Variants in USP34 observed in about 807,000 individuals in gnomAD.
The protein encoded by USP34 is ubiquitin carboxyl-terminal hydrolase 34.
USP34 carries 70 observed loss-of-function variants against 460.3 expected under a neutral mutation model. That is an observed-to-expected ratio of 0.15 (90% confidence interval 0.13 to 0.19). USP34 has a LOEUF of 0.19. Ranked by LOEUF, USP34 falls within the 10% of genes least tolerant of loss-of-function variation. The pLI, the probability that USP34 is intolerant of heterozygous loss-of-function variation, is 1.00. For synonymous variants in USP34, 1,647 were observed against 1,405.3 expected (o/e 1.17, Z -3.85); for missense variants, 3,985 against 4,236.2 (o/e 0.94, Z 1.65).
intron 75 of USP34, chr2:61,200,477 G>C (rs939383272): frequency 3.9e-5 from 6 of 152,124 alleles, no homozygotes; most frequent in Non-Finnish European, 8.8e-5. Flanking sequence ...ATTCAAATCT[G>C]TAATTATTAT....
At chr2:61,219,006 C>T (rs183071297) in intron 67 of USP34, among the ~76,000 whole-genome samples, 25 of 152,300 alleles carry the variant, frequency 1.6e-4, no homozygotes, top group Admixed American at 2.6e-4. Flanking sequence ...TAAGCTCCAC[C>T]TCCTGGGGAG....
At chr2:61,258,431 AG>A (rs1334975047) in intron 44 of USP34, among the ~76,000 whole-genome samples, 1 of 152,202 alleles carries the variant, frequency 6.6e-6, no homozygotes, top group Non-Finnish European at 1.5e-5. Flanking sequence ...AACAACAAAG[AG>A]GCATGGTGAC....
At position 61,281,198 on chromosome 2, in the gene USP34, G is replaced by A. The variant is rs117621727; in HGVS notation, c.5043C>T (p.Ser1681=). Residue 1681 remains serine, a synonymous_variant, in exon 38 of 80, where the codon TCC becomes TCT. Transcript: ENST00000398571. ...HESCSGLYKL[S]LSGLDGGDSI... ...AGTCTCCTCCATCCAGCCCTGACAG[G>A]GATAACTTATAGAGACCACTGCATG... 2.2e-4 allele frequency: 359 copies of A among 1,613,940 alleles called. 4 individuals carry two copies. The East Asian group carries it at 6.0e-3, about 27-fold the overall frequency.
At chr2:61,412,138 G>A (rs532628468) in intron 2 of USP34, among the ~76,000 whole-genome samples, 9 of 140,492 alleles carry the variant, frequency 6.4e-5, no homozygotes, top group African/African-American at 1.6e-4. Flanking sequence ...GCAGTGAGCC[G>A]AGATCATGCC....
chr2:61,314,837 T>C (rs776909240), intron 24 of USP34, 38 bp downstream of exon 24: 13 of 1,598,652 alleles, frequency 8.1e-6, no homozygotes, highest in East Asian at 2.2e-5. Flanking sequence ...CACCCTCACA[T>C]AGAAATTACC....
chr2:61,245,152 G>A, intron 51 of USP34, 58 bp downstream of exon 51: 2 of 1,308,902 alleles, frequency 1.5e-6, no homozygotes, highest in African/African-American at 1.5e-5. Context: ...TGGATTTTAT[G>A]ATATGACAAA....
At chr2:61,235,059 A>T (rs1410603881) in intron 57 of USP34, among the ~76,000 whole-genome samples, 1 of 152,202 alleles carries the variant, frequency 6.6e-6, no homozygotes, top group Non-Finnish European at 1.5e-5. Flanking sequence ...TGCACAGTTT[A>T]CTTGAGATTT....
intron 6 of USP34, 118 bp from the exon 7 acceptor site, chr2:61,380,479 A>C: frequency 9.5e-7 from 1 of 1,051,294 alleles, no homozygotes; most frequent in South Asian, 1.8e-5. Context: ...AAACCCACAA[A>C]CCTCTGGTTT....
chr2:61,309,921 T>C (rs1558522921), intron 27 of USP34, among the ~76,000 whole-genome samples: 2 of 152,206 alleles, frequency 1.3e-5, no homozygotes, highest in East Asian at 3.8e-4. Context: ...TCTTCTGCAA[T>C]CCTTTATCTA....
At chr2:61,397,062 T>C (rs1314018988) in intron 3 of USP34, among the ~76,000 whole-genome samples, 1 of 152,218 alleles carries the variant, frequency 6.6e-6, no homozygotes, top group African/African-American at 2.4e-5. Flanking sequence ...TTTGGAAATA[T>C]CTCAACTTTT....
chr2:61,293,557 G>A lies in USP34; in HGVS notation c.4462-7C>T. On this transcript the variant is annotated splice_region_variant and splice_polypyrimidine_tract_variant and intron_variant, in intron 32 of 79. Coordinates refer to ENST00000398571, the MANE Select transcript of USP34 (RefSeq NM_014709.4). The stretch of plus-strand genomic sequence containing the variant: ...GCCCTCCAGCAGCAACAAACTGTAG[G>A]CAATTGTGAAAGTAATAGTAAGAGA... The A allele has an allele frequency of 6.2e-7, 1 of 1,608,414 alleles. No individual in the cohort carries two copies. The highest frequency in any genetic ancestry group is 8.5e-7 in the Non-Finnish European group (1 of 1,176,702).
intron 41 of USP34, among the ~76,000 whole-genome samples, chr2:61,267,835 C>A (rs1405172965): frequency 1.3e-5 from 2 of 152,062 alleles, no homozygotes; most frequent in African/African-American, 2.4e-5. Flanking sequence ...CCAGGATGGT[C>A]TCGATCTCCC....
intron 34 of USP34, among the ~76,000 whole-genome samples, chr2:61,286,534 TAATCCCA>T (rs1470724598): frequency 3.9e-5 from 6 of 152,164 alleles, no homozygotes; most frequent in African/African-American, 1.4e-4. Flanking sequence ...CGTGTGCCTG[TAATCCCA>T]GCTACCTGGA....
chr2:61,224,621 G>A (rs560397015), intron 62 of USP34, among the ~76,000 whole-genome samples: 1 of 152,232 alleles, frequency 6.6e-6, no homozygotes, highest in East Asian at 1.9e-4. Flanking sequence ...AAGTATACTT[G>A]CAAGTAGAAT....
intron 27 of USP34, among the ~76,000 whole-genome samples, chr2:61,306,389 G>A (rs922303844): frequency 6.6e-6 from 1 of 152,108 alleles, no homozygotes; most frequent in Non-Finnish European, 1.5e-5. Context: ...TAGATGTGTG[G>A]TATTATTTCT....
intron 38 of USP34, 64 bp downstream of exon 38, chr2:61,281,026 C>T (rs540513068): frequency 4.2e-5 from 64 of 1,530,600 alleles, no homozygotes; most frequent in South Asian, 7.4e-5. Context: ...TATATTACAA[C>T]GGTAAACTGA....
chr2:61,411,517 T>TA lies in USP34; in HGVS notation c.132-5390dup, dbSNP rs1223260082. On this transcript the variant is annotated intron_variant, in intron 2 of 79. Transcript: ENST00000398571. ...CATATCTCAAAGCGAAAGATTGAAA[T>TA]ATACTTCTTTTAAATGTCTTTTTAT... 4.6e-5 allele frequency among the ~76,000 whole-genome samples: 7 copies of TA among 152,104 alleles called. No individual in the cohort carries two copies. The South Asian group carries it at 6.2e-4, about 14-fold the overall frequency.
Position 61,220,330 on chromosome 2 carries a change from T to C in USP34, c.8027A>G (p.Asn2676Ser), listed in dbSNP as rs1404901391. 19 of 1,613,598 alleles carry C rather than the reference T, an allele frequency of 1.2e-5. No individual in the cohort carries two copies. The highest frequency in any genetic ancestry group is 1.6e-4 in the Middle Eastern group (1 of 6,084). ...CTTACAAGTCCTCACTCTAGGATAA[T>C]TGTGAGCCAAAAGAAACCGCTCGAC... ...NWVERFLLAH[N>S]YPRVRTSAAY... The change falls in exon 67 of 80, where the codon AAT becomes AGT. Residue 2676 changes from asparagine (N) to serine (S), a missense_variant. Around this residue, in one of 14 missense-constraint regions of USP34, gnomAD observed 604 missense variants for 684.8 expected, o/e 0.88. Coordinates refer to ENST00000398571, the MANE Select transcript of USP34 (RefSeq NM_014709.4).
At chr2:61,195,401 T>C (rs1374680318) in intron 75 of USP34, among the ~76,000 whole-genome samples, 3 of 146,592 alleles carry the variant, frequency 2.0e-5, no homozygotes, top group Non-Finnish European at 4.5e-5. Flanking sequence ...AGGCTGGGCA[T>C]AGTGGCTCAT....
Sources: gnomAD v4.1 joint callset for allele counts (sites outside exome capture counted in the v4.1 genomes callset) on GRCh38, gnomAD v4.1.1 for gene constraint, gnomAD v4.1.1 regional missense constraint, MANE v1.5 for transcripts, NCBI Gene and HGNC (gene_info 2026-07-23, HGNC 2026-07-21) for gene names.